Variants in RORA observed in about 807,000 individuals in gnomAD.
The protein encoded by RORA is nuclear receptor ROR-alpha.
RORA carries 7 observed loss-of-function variants against 69.5 expected under a neutral mutation model. The ratio of observed to expected loss-of-function variants is 0.10; its 90% CI spans 0.06 to 0.19. The LOEUF is 0.19. Among genes scored for constraint, RORA ranks in the 10% least tolerant of loss-of-function variants. The pLI, the probability that RORA is intolerant of heterozygous loss-of-function variation, is 1.00. For synonymous variants in RORA, 261 were observed against 240.8 expected (o/e 1.08, Z -0.78); for missense variants, 457 against 663.0 (o/e 0.69, Z 3.41).
At chr15:60,904,593 C>T (rs758830587) in intron 1 of RORA, among the ~76,000 whole-genome samples, 7 of 152,188 alleles carry the variant, frequency 4.6e-5, no homozygotes, top group Non-Finnish European at 8.8e-5. Flanking sequence ...ATTTTACCCT[C>T]TCTTCCAGGG....
chr15:61,090,994 C>A (rs563502077), intron 1 of RORA, among the ~76,000 whole-genome samples: 1 of 152,324 alleles, frequency 6.6e-6, no homozygotes, highest in African/African-American at 2.4e-5. Flanking sequence ...TCCATTTACA[C>A]AGGCTTTTCT....
intron 2 of RORA, among the ~76,000 whole-genome samples, chr15:60,560,752 C>T (rs534862540): frequency 6.6e-6 from 1 of 152,268 alleles, no homozygotes; most frequent in African/African-American, 2.4e-5. Flanking sequence ...TCTAATGTGG[C>T]TGCCTGGGCA....
chr15:60,774,641 A>G (rs973815803), intron 1 of RORA, among the ~76,000 whole-genome samples: 3 of 152,234 alleles, frequency 2.0e-5, no homozygotes, highest in African/African-American at 4.8e-5. Context: ...AGGTAACACA[A>G]ATACCCACAG....
intron 1 of RORA, among the ~76,000 whole-genome samples, chr15:61,063,023 G>C (rs1371451568): frequency 1.3e-5 from 2 of 152,264 alleles, no homozygotes; most frequent in East Asian, 1.9e-4. Context: ...ACAATATAAG[G>C]CATGAAGAGT....
intron 1 of RORA, among the ~76,000 whole-genome samples, chr15:60,851,157 T>C (rs538360588): frequency 2.6e-5 from 4 of 152,296 alleles, no homozygotes; most frequent in East Asian, 1.9e-4. Context: ...ACGATGTACA[T>C]ATACACACAT....
At chr15:60,544,473 C>CT (rs1224433489) in intron 2 of RORA, among the ~76,000 whole-genome samples, 1 of 151,420 alleles carries the variant, frequency 6.6e-6, no homozygotes, top group African/African-American at 2.4e-5. Context: ...GCTCTCCCTG[C>CT]TTTTTTTTGT....
chr15:61,015,042 C>T (rs1269086891), intron 1 of RORA, among the ~76,000 whole-genome samples: 1 of 152,188 alleles, frequency 6.6e-6, no homozygotes, highest in African/African-American at 2.4e-5. Context: ...CTCCTATAGC[C>T]CGAAGCTCGT....
chr15:60,657,033 G>A (rs2070231285), intron 2 of RORA, among the ~76,000 whole-genome samples: 1 of 152,208 alleles, frequency 6.6e-6, no homozygotes. Flanking sequence ...TGGGTCATGT[G>A]TCTGCAGCAC....
At chr15:61,167,651 C>G (rs1472858486) in intron 1 of RORA, among the ~76,000 whole-genome samples, 1 of 152,096 alleles carries the variant, frequency 6.6e-6, no homozygotes, top group Admixed American at 6.5e-5. Flanking sequence ...GGGAGCTTTC[C>G]CCACACTTAT....
chr15:60,754,508 A>G (rs190209765), intron 1 of RORA, among the ~76,000 whole-genome samples: 2 of 152,272 alleles, frequency 1.3e-5, no homozygotes, highest in East Asian at 3.9e-4. Flanking sequence ...AAAAATTATT[A>G]GGGCTGTTTT....
intron 1 of RORA, among the ~76,000 whole-genome samples, chr15:61,011,990 A>T (rs1895102274): frequency 6.6e-6 from 1 of 152,248 alleles, no homozygotes; most frequent in Non-Finnish European, 1.5e-5. Context: ...CAATTGCATG[A>T]AATGCATGGG....
Position 60,693,135 on chromosome 15 carries a change from G to C in RORA, c.167-14449C>G, listed in dbSNP as rs529394770. Among the ~76,000 whole-genome samples, 7 of 152,230 alleles carry C rather than the reference G, an allele frequency of 4.6e-5. No individual in the cohort carries two copies. The South Asian group carries it at 8.3e-4, about 18-fold the overall frequency. On this transcript the variant is annotated intron_variant, in intron 1 of 10. Coordinates refer to ENST00000335670, the MANE Select transcript of RORA (RefSeq NM_134261.3). Reference sequence around the variant, plus strand: ...ATTGGCTTCATCCCCGGGATGCAAGGCTGGTTCAACATGTGCAAATCAATA... The same window carrying C: ...ATTGGCTTCATCCCCGGGATGCAAGCCTGGTTCAACATGTGCAAATCAATA...
chr15:61,180,143 CAAAAAAAAAAAA>C (rs71456351), intron 1 of RORA, among the ~76,000 whole-genome samples: 4 of 36,690 alleles, frequency 1.1e-4, no homozygotes, highest in Non-Finnish European at 1.6e-4. Flanking sequence ...GACTCCATCT[CAAAAAAAAAAAA>C]AAAAAAAAAA....
At chr15:60,998,560 G>C (rs988016048) in intron 1 of RORA, among the ~76,000 whole-genome samples, 4 of 152,072 alleles carry the variant, frequency 2.6e-5, no homozygotes, top group African/African-American at 9.7e-5. Flanking sequence ...ACCACGCCCA[G>C]ATAATTTTTT....
chr15:60,980,194 A>G (rs1894003550), intron 1 of RORA, among the ~76,000 whole-genome samples: 1 of 152,136 alleles, frequency 6.6e-6, no homozygotes, highest in Non-Finnish European at 1.5e-5. Context: ...ATTGACTTTC[A>G]TATGTTGAAC....
chr15:60,504,573 G>A (rs1363874280), intron 6 of RORA, among the ~76,000 whole-genome samples: 1 of 152,068 alleles, frequency 6.6e-6, no homozygotes, highest in African/African-American at 2.4e-5. Flanking sequence ...AAAACTGGTG[G>A]ATATGGGAGC....
chr15:60,690,434 G>T lies in RORA; in HGVS notation c.167-11748C>A, dbSNP rs779998953. ...ACCCAGCTCCAGCCATGTGGGCAAG[G>T]CCACCTTTGGAGACAGGAGAGAGCA... On this transcript the variant is annotated intron_variant, in intron 1 of 10. Transcript: ENST00000335670. Among the ~76,000 whole-genome samples the T allele has an allele frequency of 2.0e-5, 3 of 152,298 alleles. No homozygotes were observed. In the Middle Eastern group the frequency reaches 0.01, roughly 518 times the overall value.
intron 1 of RORA, among the ~76,000 whole-genome samples, chr15:60,769,765 C>T (rs1039335685): frequency 1.3e-5 from 2 of 152,216 alleles, no homozygotes; most frequent in African/African-American, 4.8e-5. Context: ...TGTTCTCTGA[C>T]CAGGCTGGGC....
At chr15:61,127,622 T>C (rs557589114) in intron 1 of RORA, among the ~76,000 whole-genome samples, 1 of 152,364 alleles carries the variant, frequency 6.6e-6, no homozygotes, top group South Asian at 2.1e-4. Context: ...GTCTGACGAT[T>C]CTGGAGTTTC....
Sources: allele counts gnomAD v4.1 joint callset (sites outside exome capture counted in the v4.1 genomes callset), GRCh38; gene constraint gnomAD v4.1.1; transcripts MANE v1.5; gene names NCBI Gene and HGNC (gene_info 2026-07-23, HGNC 2026-07-21).